The following SLC12A8 variants were observed in gnomAD, a reference collection of about 807,000 sequenced individuals.
SLC12A8 encodes solute carrier family 12 member 8, also known as cation-chloride cotransporter 9.
Under a neutral mutation model 75.6 loss-of-function variants are expected in SLC12A8, and 69 were observed. That is an observed-to-expected ratio of 0.91 (90% CI 0.75 to 1.11). The LOEUF (loss-of-function observed/expected upper bound fraction) is 1.11, where lower values mean the gene tolerates loss of function less well. SLC12A8 is among the 50% of genes most tolerant of loss of function. The pLI is 0.00. For missense variants in SLC12A8, 877 were observed against 896.7 expected (o/e 0.98, Z 0.28); for synonymous variants, 365 against 372.8 (o/e 0.98, Z 0.24).
rs911227231 is a variant in SLC12A8 at position 125,091,517 on chromosome 3, C to A, written c.1843G>T (p.Val615Leu). The change falls in exon 12 of 14, where the codon GTG (valine) becomes TTG (leucine). Residue 615 changes from valine to leucine, a missense_variant. Transcript: ENST00000469902. Reference sequence around the variant, plus strand: ...ACACCCATGTTAACCAGGGTATACACCCACTGTATCACAAACATGATGAGA... The same window carrying A: ...ACACCCATGTTAACCAGGGTATACAACCACTGTATCACAAACATGATGAGA... ...SLLIMFVIQW[V>L]YTLVNMGVAA... The A allele has an allele frequency of 5.6e-6, 9 of 1,613,790 alleles. No individual in the cohort carries two copies. The highest frequency in any genetic ancestry group is 4.0e-5 in the African/African-American group (3 of 74,886).
In SLC12A8 at chr3:125,187,045, G is replaced by A. The variant is rs180924417; in HGVS notation, c.390+192C>T. 4.9e-3 allele frequency among the ~76,000 whole-genome samples: 742 copies of A among 152,348 alleles called. 10 individuals carry two copies. The highest frequency in any genetic ancestry group is 0.021 in the Admixed American group (319 of 15,310). On this transcript the variant is annotated intron_variant, in intron 4 of 13. Transcript: ENST00000469902. ...GCGGGAGTGGCAGAGGGAAAGGAGT[G>A]CTGGACTAAGAGGTCAGGCCCTGGA...
chr3:125,204,941 G>A (rs1420762865), intron 2 of SLC12A8, among the ~76,000 whole-genome samples: 1 of 152,166 alleles, frequency 6.6e-6, no homozygotes, highest in Non-Finnish European at 1.5e-5. Flanking sequence ...TTCTCAGAGA[G>A]AGCAAAAGGC....
At position 125,091,460 on chromosome 3, in the gene SLC12A8, C is replaced by T. The variant is rs766607584; in HGVS notation, c.1900G>A (p.Ala634Thr). 15 of 1,613,568 alleles carry T rather than the reference C, an allele frequency of 9.3e-6. No individual in the cohort carries two copies. The highest frequency in any genetic ancestry group is 1.1e-5 in the Non-Finnish European group (13 of 1,179,706). Reference protein sequence around the residue: ...AAIVYFYIGRASPGLHLGSAS... With the variant: ...AAIVYFYIGRTSPGLHLGSAS... ...TTACCAAGGTGAAGCCCTGGACTGG[C>T]CCGGCCAATGTAGAAATACACGATG... The change falls in exon 12 of 14, where the codon GCC becomes ACC. Residue 634 changes from alanine (A) to threonine (T), a missense_variant. Physicochemically the swap from Ala to Thr is moderately conservative, Grantham distance 58. Coordinates refer to ENST00000469902, the MANE Select transcript of SLC12A8 (RefSeq NM_024628.6).
At chr3:125,092,268 C>T in intron 10 of SLC12A8, 70 bp from the exon 11 acceptor site, 1 of 1,016,152 alleles carries the variant, frequency 9.8e-7, no homozygotes, top group East Asian at 2.5e-5. Flanking sequence ...GAAAATATAC[C>T]TATGAGCTCC....
chr3:125,168,918 C>G (rs577983266), intron 5 of SLC12A8, among the ~76,000 whole-genome samples: 2 of 152,170 alleles, frequency 1.3e-5, no homozygotes, highest in Non-Finnish European at 2.9e-5. Flanking sequence ...CTGGCCTGGC[C>G]CAACTGATCC....
intron 5 of SLC12A8, chr3:125,154,693 T>C (rs1934007207): frequency 6.6e-6 from 1 of 152,176 alleles, no homozygotes; most frequent in Non-Finnish European, 1.5e-5. Context: ...TAAAGTTTAA[T>C]TTATAAATTA....
chr3:125,196,828 C>T, intron 2 of SLC12A8, among the ~76,000 whole-genome samples: 1 of 152,142 alleles, frequency 6.6e-6, no homozygotes, highest in East Asian at 1.9e-4. Context: ...ACATAGGAGG[C>T]TGAGGCAAGA....
chr3:125,192,127 G>A (rs544327003), intron 2 of SLC12A8, among the ~76,000 whole-genome samples: 69 of 152,022 alleles, frequency 4.5e-4, no homozygotes, highest in African/African-American at 1.5e-3. Flanking sequence ...ACTTCCTATC[G>A]TGGCTTGCTA....
chr3:125,175,234 C>T (rs752252255), intron 5 of SLC12A8, among the ~76,000 whole-genome samples: 1 of 152,098 alleles, frequency 6.6e-6, no homozygotes, highest in African/African-American at 2.4e-5. Context: ...TAGTTCCTTC[C>T]AGTCTTTTTT....
Position 125,109,755 on chromosome 3 carries a change from C to T in SLC12A8, c.1059+434G>A, listed in dbSNP as rs369380358. Reference sequence around the variant, plus strand: ...AGAGGTGTAGGAAATCATCAAACAGCAACCCCCAAGGGGCGGTTGAAACTC... The same window carrying T: ...AGAGGTGTAGGAAATCATCAAACAGTAACCCCCAAGGGGCGGTTGAAACTC... On this transcript the variant is annotated intron_variant, in intron 9 of 13. Coordinates refer to ENST00000469902, the MANE Select transcript of SLC12A8 (RefSeq NM_024628.6). 5.3e-5 allele frequency among the ~76,000 whole-genome samples: 8 copies of T among 152,298 alleles called. No homozygotes were observed. The South Asian group carries it at 8.3e-4, about 16-fold the overall frequency.
At chr3:125,146,869 C>A (rs1190367615) in intron 5 of SLC12A8, among the ~76,000 whole-genome samples, 1 of 152,224 alleles carries the variant, frequency 6.6e-6, no homozygotes, top group Non-Finnish European at 1.5e-5. Context: ...CCTCTTCCCA[C>A]CACAGGGAGG....
Position 125,147,538 on chromosome 3 carries a change from G to A in SLC12A8, c.623-11756C>T, listed in dbSNP as rs538857307. Among the ~76,000 whole-genome samples the A allele has an allele frequency of 7.4e-5, 8 of 108,572 alleles. No homozygotes were observed. The South Asian group carries it at 2.0e-3, about 26-fold the overall frequency. 71.2% of individuals were successfully genotyped at this position (108,572 alleles called of 152,430 possible). ...CCCCGTCAGATTAGGAATCCTCAAGGTCAGAGACAAGTTCCCTCCTCCCTC... is the reference window on the plus strand; with the variant it reads ...CCCCGTCAGATTAGGAATCCTCAAGATCAGAGACAAGTTCCCTCCTCCCTC... On this transcript the variant is annotated intron_variant, in intron 5 of 13. Transcript: ENST00000469902.
chr3:125,185,798 A>C (rs1290193692), intron 4 of SLC12A8, among the ~76,000 whole-genome samples: 1 of 152,254 alleles, frequency 6.6e-6, no homozygotes, highest in Non-Finnish European at 1.5e-5. Flanking sequence ...GGCCCGCGCC[A>C]GCGACAAACA....
rs147801463 is a variant in SLC12A8, at chr3:125,105,427, G to T, written c.1705+2054C>A. ...ATAGGACAGAGGGGAAAAAAGAAAAGAATACATTTCTGAAGAATTGGAGCA... is the reference window on the plus strand; with the variant it reads ...ATAGGACAGAGGGGAAAAAAGAAAATAATACATTTCTGAAGAATTGGAGCA... On this transcript the variant is annotated intron_variant, in intron 10 of 13. Transcript: ENST00000469902. Among the ~76,000 whole-genome samples the T allele has an allele frequency of 3.7e-4, 57 of 152,160 alleles. No homozygotes were observed. In the East Asian group the frequency reaches 0.01, roughly 27 times the overall value.
chr3:125,147,342 C>T (rs1439055800), intron 5 of SLC12A8, among the ~76,000 whole-genome samples: 2 of 152,218 alleles, frequency 1.3e-5, no homozygotes, highest in Non-Finnish European at 2.9e-5. Flanking sequence ...CTTCAGGCTG[C>T]ACTCCGCTTC....
chr3:125,129,575 A>G (rs775416826), intron 6 of SLC12A8, among the ~76,000 whole-genome samples: 37 of 152,172 alleles, frequency 2.4e-4, no homozygotes, highest in African/African-American at 8.4e-4. Context: ...AAATATCTGA[A>G]GTAACTTAAC....
chr3:125,114,759 C>T (rs1009882973), intron 8 of SLC12A8, among the ~76,000 whole-genome samples: 1 of 152,290 alleles, frequency 6.6e-6, no homozygotes. Flanking sequence ...GGATATTTTT[C>T]CTTCTTAGAT....
In SLC12A8 at chr3:125,183,491, C is replaced by A. The variant is rs374478899; in HGVS notation, c.390+3746G>T. On this transcript the variant is annotated intron_variant, in intron 4 of 13. Coordinates refer to ENST00000469902, the MANE Select transcript of SLC12A8 (RefSeq NM_024628.6). ...GACAATCACAGGCATTTTCCTTCCA[C>A]CTTACCTGGAGGACCAGCGCTGCCC... 3.3e-5 allele frequency among the ~76,000 whole-genome samples: 5 copies of A among 152,246 alleles called. No individual in the cohort carries two copies. In the South Asian group the frequency reaches 1.0e-3, roughly 32 times the overall value.
At chr3:125,208,375 A>T (rs560204815) in intron 2 of SLC12A8, among the ~76,000 whole-genome samples, 1 of 152,130 alleles carries the variant, frequency 6.6e-6, no homozygotes, top group Non-Finnish European at 1.5e-5. Context: ...TGAGTCATGC[A>T]TTGATTTGCC....
Sources: allele counts gnomAD v4.1 joint callset (sites outside exome capture counted in the v4.1 genomes callset), GRCh38; gene constraint gnomAD v4.1.1; transcripts MANE v1.5; gene names NCBI Gene and HGNC (gene_info 2026-07-23, HGNC 2026-07-21).